The following MAP1B variants were observed in gnomAD, a reference collection of about 807,000 sequenced individuals.
The protein encoded by MAP1B is microtubule associated protein 1B.
MAP1B carries 12 observed loss-of-function variants against 176.1 expected under a neutral mutation model. That is an observed-to-expected ratio of 0.07 (90% CI 0.04 to 0.11). The LOEUF is 0.11. Ranked by LOEUF, MAP1B falls within the 10% of genes least tolerant of loss-of-function variation. MAP1B has a pLI of 1.00. For synonymous variants in MAP1B, 1,044 were observed against 1,135.0 expected (o/e 0.92, Z 1.61); for missense variants, 2,523 against 2,990.5 (o/e 0.84, Z 3.65).
chr5:72,195,565 A>C lies in MAP1B; in HGVS notation c.2210A>C (p.Lys737Thr). 1 of 1,611,810 alleles carries C rather than the reference A, an allele frequency of 6.2e-7. No individual in the cohort carries two copies. The highest frequency in any genetic ancestry group is 1.3e-5 in the African/African-American group (1 of 74,770). Reference protein sequence around the residue: ...EPKKEIKKLPKDAKKSSTPLS... With the variant: ...EPKKEIKKLPTDAKKSSTPLS... The stretch of plus-strand genomic sequence containing the variant: ...AAAAAAGAAATTAAGAAGCTCCCTA[A>C]AGACGCAAAGAAATCATCTACTCCT... The change falls in exon 5 of 7, where the codon AAA becomes ACA. Residue 737 changes from lysine (K) to threonine (T), a missense_variant. By Grantham distance (78) the Lys-to-Thr change is moderately conservative. Around this residue, in one of 4 missense-constraint regions of MAP1B, gnomAD observed 1,925 missense variants for 2,126.0 expected, o/e 0.91. Coordinates refer to ENST00000296755, the MANE Select transcript of MAP1B (RefSeq NM_005909.5).
At chr5:72,121,725 T>C (rs1745533384) in intron 2 of MAP1B, among the ~76,000 whole-genome samples, 1 of 152,256 alleles carries the variant, frequency 6.6e-6, no homozygotes, top group Admixed American at 6.5e-5. Flanking sequence ...GCCATCTTTC[T>C]CTGTCTAGAC....
chr5:72,135,048 A>G (rs1264052598), intron 2 of MAP1B, among the ~76,000 whole-genome samples: 4 of 151,310 alleles, frequency 2.6e-5, no homozygotes, highest in Admixed American at 6.6e-5. Context: ...AATTTTTATC[A>G]GTCATTTCCA....
rs1230364105 is a variant in MAP1B, at chr5:72,195,492, G to A, written c.2137G>A (p.Val713Ile). The A allele has an allele frequency of 6.3e-7, 1 of 1,587,456 alleles. No individual in the cohort carries two copies. Among genetic ancestry groups the A allele is most frequent in the East Asian group, 2.2e-5 (1 of 44,680 alleles). ...ACCGCCAAAGGAAGTCAAGAAGGAA[G>A]TTAAGAAGGAAGAGAAGAAGGAAGT... is the stretch of plus-strand genomic sequence containing the variant. ...ETPPKEVKKE[V>I]KKEEKKEVKK... The change falls in exon 5 of 7, where the codon GTT (valine) becomes ATT (isoleucine). Residue 713 changes from valine (V) to isoleucine (I), a missense_variant. Physicochemically the swap from Val to Ile is conservative, Grantham distance 29. Around this residue, in one of 4 missense-constraint regions of MAP1B, gnomAD observed 1,925 missense variants for 2,126.0 expected, o/e 0.91. Transcript: ENST00000296755.
chr5:72,189,589 G>T (rs981217787), intron 4 of MAP1B, among the ~76,000 whole-genome samples: 27 of 152,130 alleles, frequency 1.8e-4, no homozygotes, highest in Non-Finnish European at 7.3e-5. Context: ...CAGTACTTTG[G>T]GAGGCCAGAG....
At chr5:72,135,307 C>T (rs917179514) in intron 2 of MAP1B, among the ~76,000 whole-genome samples, 1 of 152,162 alleles carries the variant, frequency 6.6e-6, no homozygotes, top group African/African-American at 2.4e-5. Context: ...TACCTATCAA[C>T]CATTGTTTTT....
intron 1 of MAP1B, 48 bp from the exon 2 acceptor site, chr5:72,115,650 G>A (rs745932004): frequency 9.5e-7 from 1 of 1,051,386 alleles, no homozygotes; most frequent in South Asian, 1.3e-5. Flanking sequence ...AAACCACTCT[G>A]AAATGACTAA....
intron 2 of MAP1B, among the ~76,000 whole-genome samples, chr5:72,163,757 G>A (rs1746368744): frequency 2.0e-5 from 3 of 152,094 alleles, no homozygotes; most frequent in Admixed American, 2.0e-4. Context: ...TTATCTTGCT[G>A]TGTGACTTCG....
chr5:72,172,203 G>T (rs112088913), intron 2 of MAP1B, among the ~76,000 whole-genome samples: 31 of 152,266 alleles, frequency 2.0e-4, no homozygotes, highest in African/African-American at 7.0e-4. Context: ...TTTTGGTCAG[G>T]ATCTTGACCT....
At chr5:72,156,499 T>C (rs1483177395) in intron 2 of MAP1B, among the ~76,000 whole-genome samples, 1 of 152,202 alleles carries the variant, frequency 6.6e-6, no homozygotes, top group Non-Finnish European at 1.5e-5. Flanking sequence ...AACTGAGCAG[T>C]AAAAGCATAA....
At position 72,200,007 on chromosome 5, in the gene MAP1B, T is replaced by C. The variant is rs752693496; in HGVS notation, c.6652T>C (p.Ser2218Pro). Residue 2218 changes from serine to proline, a missense_variant, in exon 5 of 7, where the codon TCC becomes CCC. Coordinates refer to ENST00000296755, the MANE Select transcript of MAP1B (RefSeq NM_005909.5). ...RSPSPRHPDV[S>P]MVDPEALAIE... ...CCCTTCGCCACGCCACCCTGATGTG[T>C]CCATGGTGGACCCAGAGGCCTTGGC... The C allele has an allele frequency of 6.2e-7, 1 of 1,614,120 alleles. No individual in the cohort carries two copies. The highest frequency in any genetic ancestry group is 8.5e-7 in the Non-Finnish European group (1 of 1,180,034).
intron 1 of MAP1B, among the ~76,000 whole-genome samples, chr5:72,110,129 G>A (rs1745299520): frequency 6.6e-6 from 1 of 152,196 alleles, no homozygotes; most frequent in Admixed American, 6.5e-5. Flanking sequence ...AATCAAAGAT[G>A]AGCAGCTCAA....
At chr5:72,132,321 C>G (rs1019185765) in intron 2 of MAP1B, among the ~76,000 whole-genome samples, 1 of 152,104 alleles carries the variant, frequency 6.6e-6, no homozygotes, top group Non-Finnish European at 1.5e-5. Flanking sequence ...TGCTCTGAAC[C>G]CTTTCAGCCT....
chr5:72,144,608 C>T (rs1047632545), intron 2 of MAP1B, among the ~76,000 whole-genome samples: 9 of 151,916 alleles, frequency 5.9e-5, no homozygotes, highest in Non-Finnish European at 1.0e-4. Context: ...TTTCCCAGGC[C>T]GGTCTTGAAC....
At chr5:72,154,571 C>G (rs1039511726) in intron 2 of MAP1B, among the ~76,000 whole-genome samples, 16 of 152,202 alleles carry the variant, frequency 1.1e-4, no homozygotes, top group African/African-American at 3.6e-4. Flanking sequence ...CAGCTGAGCT[C>G]ATGACCTTTG....
rs1358169537 is a variant in MAP1B at position 72,199,231 on chromosome 5, T to C, written c.5876T>C (p.Ile1959Thr). ...TPEEGGYSYD[I>T]SEKTTSPPEV... Reference sequence around the variant, plus strand: ...GAAGAGGGTGGGTACTCATATGACATAAGTGAAAAGACCACCAGCCCCCCC... The same window carrying C: ...GAAGAGGGTGGGTACTCATATGACACAAGTGAAAAGACCACCAGCCCCCCC... The change falls in exon 5 of 7, where the codon ATA becomes ACA. Residue 1959 changes from isoleucine (I) to threonine (T), a missense_variant. This residue lies in a region of MAP1B where 1,925 missense variants were observed against 2,126.0 expected (regional missense o/e 0.91). Coordinates refer to ENST00000296755, the MANE Select transcript of MAP1B (RefSeq NM_005909.5). The surrounding 1 kb of genome is among the most constrained non-coding windows in gnomAD (Gnocchi z 4.2). 2 of 1,613,840 alleles carry C rather than the reference T, an allele frequency of 1.2e-6. No individual in the cohort carries two copies. The highest frequency in any genetic ancestry group is 1.7e-6 in the Non-Finnish European group (2 of 1,179,964).
At chr5:72,160,280 T>C (rs1014248181) in intron 2 of MAP1B, among the ~76,000 whole-genome samples, 1 of 151,754 alleles carries the variant, frequency 6.6e-6, no homozygotes, top group Non-Finnish European at 1.5e-5. Context: ...TGGAAAAGAC[T>C]CTGAAAAAGG....
In MAP1B at chr5:72,208,325, T is replaced by C. The variant is rs146003742; in HGVS notation, c.*3086T>C. On this transcript the variant is annotated 3_prime_UTR_variant, in exon 7 of 7. Transcript: ENST00000296755. ...GATTACTTAATCCAATTGTATAGAT[T>C]GAATATTTGAGTGGAAGGAATTTAC... The C allele has an allele frequency of 1.3e-5, 2 of 152,272 alleles. No homozygotes were observed. Among genetic ancestry groups the C allele is most frequent in the Admixed American group, 6.5e-5 (1 of 15,282 alleles). 9.4% of individuals were successfully genotyped at this position (152,272 alleles called of 1,614,324 possible).
intron 1 of MAP1B, among the ~76,000 whole-genome samples, chr5:72,109,902 G>A (rs550695034): frequency 7.9e-5 from 12 of 152,318 alleles, no homozygotes; most frequent in Middle Eastern, 3.4e-3. Flanking sequence ...TTACTCATCT[G>A]ATCATCCTTT....
Position 72,209,403 on chromosome 5 carries a change from T to C in MAP1B, c.*4164T>C, listed in dbSNP as rs1475546106. The C allele has an allele frequency of 1.3e-5, 2 of 152,222 alleles. No homozygotes were observed. Among genetic ancestry groups the C allele is most frequent in the African/African-American group, 4.8e-5 (2 of 41,450 alleles). The allele number at this position is 152,222 out of a possible 1,614,324, so 9.4% of individuals were successfully genotyped here. The stretch of plus-strand genomic sequence containing the variant: ...ATGTCTTATAATCCTGCATCACTTC[T>C]ATCCTATCCAGTCATATCTAATGTA... On this transcript the variant is annotated 3_prime_UTR_variant, in exon 7 of 7. Transcript: ENST00000296755.
Sources: gnomAD v4.1 joint callset for allele counts (sites outside exome capture counted in the v4.1 genomes callset) on GRCh38, gnomAD v4.1.1 for gene constraint, gnomAD v4.1.1 regional missense constraint, Gnocchi (gnomAD v3.1) non-coding constraint, MANE v1.5 for transcripts, NCBI Gene and HGNC (gene_info 2026-07-23, HGNC 2026-07-21) for gene names.